ROBO2: variants seen among roughly 807,000 people sequenced by gnomAD.
The protein encoded by ROBO2 is roundabout homolog 2.
A neutral mutation model predicts 160.8 loss-of-function variants in ROBO2; 53 were observed. The observed-to-expected ratio is 0.33, with a 90% CI of 0.26 to 0.41. The LOEUF (loss-of-function observed/expected upper bound fraction) is 0.41. Ranked by LOEUF, ROBO2 falls within the 10% of genes least tolerant of loss-of-function variation. ROBO2 has a pLI of 1.00. For missense variants in ROBO2, 1,577 were observed against 1,722.4 expected, an observed-to-expected ratio of 0.92 and a Z score of 1.49; for synonymous variants, 664 against 611.7, an observed-to-expected ratio of 1.09 and a Z score of -1.26.
intron 2 of ROBO2, among the ~76,000 whole-genome samples, chr3:76,676,980 T>C (rs936286259): frequency 1.3e-5 from 2 of 152,150 alleles, no homozygotes; most frequent in African/African-American, 2.4e-5. Flanking sequence ...TACTGTATCA[T>C]TTAATAAAAC....
At chr3:76,750,267 C>T (rs1320243426) in intron 2 of ROBO2, among the ~76,000 whole-genome samples, 2 of 152,190 alleles carry the variant, frequency 1.3e-5, no homozygotes, top group East Asian at 3.9e-4. Flanking sequence ...TAAAAACTCT[C>T]AATAAATTAG....
At chr3:76,733,730 A>AT (rs555770164) in intron 2 of ROBO2, among the ~76,000 whole-genome samples, 12 of 152,142 alleles carry the variant, frequency 7.9e-5, no homozygotes, top group African/African-American at 2.4e-4. Context: ...TCATGTGGGA[A>AT]TTTTTTTTGT....
At chr3:77,284,741 A>G (rs1164423698) in intron 2 of ROBO2, among the ~76,000 whole-genome samples, 6 of 152,040 alleles carry the variant, frequency 3.9e-5, no homozygotes, top group African/African-American at 1.2e-4. Flanking sequence ...TCTCTTTCTT[A>G]CCTGTAAAAT....
At chr3:76,603,345 A>ATATATATATGT (rs1406880243) in intron 2 of ROBO2, among the ~76,000 whole-genome samples, 3 of 62,388 alleles carry the variant, frequency 4.8e-5, no homozygotes, top group African/African-American at 2.2e-4. Flanking sequence ...AAAAAAAAAA[A>ATATATATATGT]AAAAAAATAT....
At chr3:75,943,416 G>A (rs9875717) in intron 2 of ROBO2, among the ~76,000 whole-genome samples, 3 of 152,030 alleles carry the variant, frequency 2.0e-5, no homozygotes, top group Non-Finnish European at 2.9e-5. Flanking sequence ...TTTTTATTGA[G>A]CTTTGATGTT....
chr3:77,097,396 G>T (rs1481828781), intron 1 of ROBO2, among the ~76,000 whole-genome samples: 1 of 151,774 alleles, frequency 6.6e-6, no homozygotes, highest in Non-Finnish European at 1.5e-5. Context: ...ATACCTCTAT[G>T]CAGCGTATTG....
chr3:76,759,700 G>C (rs1462218834), intron 2 of ROBO2, among the ~76,000 whole-genome samples: 2 of 148,428 alleles, frequency 1.3e-5, no homozygotes, highest in Non-Finnish European at 2.9e-5. Flanking sequence ...AAAATATCAG[G>C]GGGTATTAGA....
chr3:77,215,249 T>C (rs867862854), intron 2 of ROBO2, among the ~76,000 whole-genome samples: 2 of 152,330 alleles, frequency 1.3e-5, no homozygotes, highest in African/African-American at 4.8e-5. Context: ...TTTCACATAG[T>C]CCCATATTTC....
intron 2 of ROBO2, among the ~76,000 whole-genome samples, chr3:76,463,735 T>C (rs1427968868): frequency 6.6e-6 from 1 of 152,152 alleles, no homozygotes; most frequent in African/African-American, 2.4e-5. Context: ...CAGGGTTATC[T>C]ATTGCCACCT....
intron 2 of ROBO2, among the ~76,000 whole-genome samples, chr3:76,783,046 A>G (rs973377670): frequency 6.6e-6 from 1 of 150,636 alleles, no homozygotes; most frequent in Non-Finnish European, 1.5e-5. Flanking sequence ...TGTATCTAAC[A>G]TATGTTTTAC....
chr3:76,682,720 A>C (rs2092595932), intron 2 of ROBO2, among the ~76,000 whole-genome samples: 1 of 152,158 alleles, frequency 6.6e-6, no homozygotes, highest in African/African-American at 2.4e-5. Context: ...AATTTCTTTA[A>C]AATTGAAAAA....
At position 76,965,785 on chromosome 3, in the gene ROBO2, G is replaced by A. The variant is rs1010845266; in HGVS notation, c.110-132229G>A. 9.2e-4 allele frequency among the ~76,000 whole-genome samples: 119 copies of A among 129,162 alleles called. 1 individual carries two copies. The highest frequency in any genetic ancestry group is 2.9e-3 in the African/African-American group (93 of 32,036). The allele number at this position is 129,162 out of a possible 152,430, so 84.7% of individuals were successfully genotyped here. ...CTATACCATTATTTATTGTGTTTGT[G>A]TATATATATATATATATATATATAT... On this transcript the variant is annotated intron_variant, in intron 2 of 26. Coordinates refer to the ROBO2 transcript ENST00000487694.
upstream of ROBO2, among the ~76,000 whole-genome samples, chr3:77,037,617 G>A (rs2063717451): frequency 6.6e-6 from 1 of 152,150 alleles, no homozygotes; most frequent in African/African-American, 2.4e-5. Context: ...ATGGCAATTG[G>A]TGGTAGGCTG....
chr3:75,981,921 C>T (rs551568179), intron 2 of ROBO2, among the ~76,000 whole-genome samples: 40 of 151,448 alleles, frequency 2.6e-4, no homozygotes, highest in African/African-American at 8.4e-4. Flanking sequence ...CCCAAAAACC[C>T]CCTACCCTTC....
chr3:76,987,635 TA>T (rs936929716), intron 2 of ROBO2, among the ~76,000 whole-genome samples: 2 of 151,908 alleles, frequency 1.3e-5, no homozygotes, highest in Admixed American at 6.6e-5. Context: ...AAAGGCAGCT[TA>T]AAAAAAAGCC....
intron 2 of ROBO2, among the ~76,000 whole-genome samples, chr3:76,285,503 A>G (rs1468147722): frequency 6.6e-6 from 1 of 152,124 alleles, no homozygotes; most frequent in African/African-American, 2.4e-5. Context: ...CTATTAAAAT[A>G]TTTTGATGTT....
intron 2 of ROBO2, among the ~76,000 whole-genome samples, chr3:75,948,757 C>A (rs1948424588): frequency 6.6e-6 from 1 of 152,052 alleles, no homozygotes; most frequent in South Asian, 2.1e-4. Flanking sequence ...TAAACATGTT[C>A]TTCTATCTTT....
At chr3:77,286,381 C>T (rs868451095) in intron 2 of ROBO2, among the ~76,000 whole-genome samples, 3 of 151,302 alleles carry the variant, frequency 2.0e-5, no homozygotes, top group Non-Finnish European at 4.4e-5. Context: ...CTCAGCCTTC[C>T]GAGTAGCTGG....
chr3:76,114,337 T>C (rs2070369443), intron 2 of ROBO2, among the ~76,000 whole-genome samples: 1 of 152,138 alleles, frequency 6.6e-6, no homozygotes, highest in African/African-American at 2.4e-5. Flanking sequence ...GTATCACTAA[T>C]GGAATAAATT....
Sources: allele counts gnomAD v4.1 joint callset (sites outside exome capture counted in the v4.1 genomes callset), GRCh38; gene constraint gnomAD v4.1.1; transcripts MANE v1.5; gene names NCBI Gene and HGNC (gene_info 2026-07-23, HGNC 2026-07-21).